Variants in HECW2 observed in about 807,000 individuals in gnomAD.
HECW2 encodes the protein E3 ubiquitin-protein ligase HECW2.
A neutral mutation model predicts 175.2 loss-of-function variants in HECW2; 61 were observed. That is an observed-to-expected ratio of 0.35 (90% CI 0.28 to 0.43). The LOEUF (loss-of-function observed/expected upper bound fraction) is 0.43. Ranked by LOEUF, HECW2 falls within the 20% of genes least tolerant of loss-of-function variation. The probability of loss-of-function intolerance (pLI) is 1.00; values close to 1 mark genes in which losing one functional copy is unlikely to be tolerated. For synonymous variants in HECW2, 671 were observed against 731.0 expected, an observed-to-expected ratio of 0.92 and a Z score of 1.32; for missense variants, 1,524 against 2,000.5, an observed-to-expected ratio of 0.76 and a Z score of 4.54.
chr2:196,498,274 T>A (rs1687464417), intron 1 of HECW2, among the ~76,000 whole-genome samples: 2 of 152,236 alleles, frequency 1.3e-5, no homozygotes, highest in South Asian at 2.1e-4. Context: ...AATTAAAAAA[T>A]TTCCAGCATG....
intron 1 of HECW2, among the ~76,000 whole-genome samples, chr2:196,521,744 G>A (rs1575631039): frequency 6.7e-6 from 1 of 148,682 alleles, no homozygotes; most frequent in South Asian, 2.1e-4. Context: ...TTGGTTTTTT[G>A]TTCTTGTGAT....
At chr2:196,373,514 C>T (rs1693962444) in intron 2 of HECW2, among the ~76,000 whole-genome samples, 1 of 152,170 alleles carries the variant, frequency 6.6e-6, no homozygotes, top group South Asian at 2.1e-4. Flanking sequence ...CCCACCCTTC[C>T]CTACCAAGCT....
At chr2:196,201,756 T>C (rs1233604217) in intron 28 of HECW2, among the ~76,000 whole-genome samples, 1 of 152,156 alleles carries the variant, frequency 6.6e-6, no homozygotes, top group East Asian at 1.9e-4. Context: ...ACATAAGGCC[T>C]TGCAAAGTAG....
chr2:196,566,598 C>G (rs1001448966), intron 1 of HECW2, among the ~76,000 whole-genome samples: 20 of 148,808 alleles, frequency 1.3e-4, no homozygotes, highest in African/African-American at 4.5e-4. Context: ...GTGGCACGAT[C>G]TTGGCTCACT....
intron 1 of HECW2, among the ~76,000 whole-genome samples, chr2:196,472,817 C>T (rs1338006321): frequency 1.3e-5 from 2 of 152,064 alleles, no homozygotes; most frequent in African/African-American, 4.8e-5. Context: ...GACGGGGTTT[C>T]GCCATGTTGG....
intron 28 of HECW2, among the ~76,000 whole-genome samples, chr2:196,209,228 T>C (rs10931730): frequency 0.3 from 45,451 of 152,148 alleles, 7,115 homozygotes; most frequent in East Asian, 0.57. Flanking sequence ...GCAGCAACAA[T>C]GCTGATGGAA....
intron 2 of HECW2, among the ~76,000 whole-genome samples, chr2:196,364,063 T>C (rs1309768784): frequency 6.6e-6 from 1 of 152,164 alleles, no homozygotes; most frequent in Non-Finnish European, 1.5e-5. Context: ...CCTACTCTGC[T>C]TATGGTGCAG....
chr2:196,261,629 G>A (rs772334164), intron 17 of HECW2, among the ~76,000 whole-genome samples: 21 of 152,136 alleles, frequency 1.4e-4, no homozygotes, highest in Non-Finnish European at 2.6e-4. Flanking sequence ...ACCAATAATG[G>A]TCTCAACATT....
Position 196,463,185 on chromosome 2 carries a change from A to G in HECW2, c.-35-29727T>C, listed in dbSNP as rs141723575. ...GAAGGGGTGTCTCAACCTCTTTCAC[A>G]TGAGATTAGGAGAGAAGCAGCAGTA... On this transcript the variant is annotated intron_variant, in intron 1 of 28. Coordinates refer to ENST00000644978, the MANE Select transcript of HECW2 (RefSeq NM_001348768.2). 2.6e-5 allele frequency among the ~76,000 whole-genome samples: 4 copies of G among 152,330 alleles called. No homozygotes were observed. The East Asian group carries it at 7.7e-4, about 29-fold the overall frequency.
intron 1 of HECW2, among the ~76,000 whole-genome samples, chr2:196,564,908 T>C (rs929640853): frequency 1.1e-4 from 17 of 151,316 alleles, no homozygotes; most frequent in Non-Finnish European, 2.1e-4. Context: ...TACAGTCTAG[T>C]AGACAATACA....
At chr2:196,406,164 T>C (rs558978569) in intron 2 of HECW2, among the ~76,000 whole-genome samples, 78 of 152,294 alleles carry the variant, frequency 5.1e-4, no homozygotes, top group African/African-American at 1.9e-3. Flanking sequence ...CACTAGAGAT[T>C]TGCAGACCCA....
chr2:196,205,301 A>G (rs567476921), intron 28 of HECW2, among the ~76,000 whole-genome samples: 1 of 152,328 alleles, frequency 6.6e-6, no homozygotes, highest in Non-Finnish European at 1.5e-5. Flanking sequence ...TGGGTCTCCT[A>G]GGGAAAGTCC....
intron 5 of HECW2, among the ~76,000 whole-genome samples, chr2:196,326,078 AC>A (rs1245342496): frequency 6.6e-6 from 1 of 152,204 alleles, no homozygotes; most frequent in African/African-American, 2.4e-5. Flanking sequence ...GGTTCTGAAC[AC>A]TGTGGTTCAG....
chr2:196,363,200 A>G (rs1376959766), intron 2 of HECW2, among the ~76,000 whole-genome samples: 1 of 152,142 alleles, frequency 6.6e-6, no homozygotes, highest in Non-Finnish European at 1.5e-5. Flanking sequence ...CCAGTGTCCT[A>G]GCAAACAACA....
At chr2:196,399,143 A>G (rs1033144380) in intron 2 of HECW2, among the ~76,000 whole-genome samples, 1 of 152,200 alleles carries the variant, frequency 6.6e-6, no homozygotes, top group African/African-American at 2.4e-5. Flanking sequence ...CAGGTTGAGC[A>G]TGTACACTCC....
chr2:196,409,042 A>G (rs1275674335), intron 2 of HECW2, among the ~76,000 whole-genome samples: 1 of 152,204 alleles, frequency 6.6e-6, no homozygotes, highest in African/African-American at 2.4e-5. Context: ...AGATGTTGGT[A>G]GCTTGAAATT....
At chr2:196,351,465 C>CA (rs1693169026) in intron 2 of HECW2, among the ~76,000 whole-genome samples, 1 of 152,016 alleles carries the variant, frequency 6.6e-6, no homozygotes, top group Non-Finnish European at 1.5e-5. Flanking sequence ...TAAATAACTC[C>CA]AAAACCTCCA....
chr2:196,257,764 T>C, intron 18 of HECW2, 59 bp downstream of exon 18: 1 of 1,169,916 alleles, frequency 8.5e-7, no homozygotes, highest in Non-Finnish European at 1.3e-6. Flanking sequence ...TTCTACAATG[T>C]TCCATGATAT....
chr2:196,345,430 G>A (rs565410327), intron 2 of HECW2, among the ~76,000 whole-genome samples: 1 of 152,328 alleles, frequency 6.6e-6, no homozygotes, highest in East Asian at 1.9e-4. Context: ...CCAGTGAAAT[G>A]TAAGTGGAAG....
Sources: gnomAD v4.1 joint callset for allele counts (sites outside exome capture counted in the v4.1 genomes callset) on GRCh38, gnomAD v4.1.1 for gene constraint, MANE v1.5 for transcripts, NCBI Gene and HGNC (gene_info 2026-07-23, HGNC 2026-07-21) for gene names.